MARK1: variants seen among roughly 807,000 people sequenced by gnomAD.
The protein encoded by MARK1 is serine/threonine-protein kinase MARK1.
MARK1 carries 40 observed loss-of-function variants against 96.3 expected under a neutral mutation model. The ratio of observed to expected loss-of-function variants is 0.42; its 90% CI spans 0.32 to 0.54. MARK1 has a LOEUF of 0.54. Among genes scored for constraint, MARK1 ranks in the 20% least tolerant of loss-of-function variants. The probability of loss-of-function intolerance (pLI) is 0.16; values close to 1 mark genes in which losing one functional copy is unlikely to be tolerated. For synonymous variants in MARK1, 317 were observed against 341.2 expected (o/e 0.93, Z 0.78); for missense variants, 719 against 984.6 (o/e 0.73, Z 3.61).
intron 11 of MARK1, 118 bp downstream of exon 11, chr1:220,632,431 T>C (rs1194338005): frequency 8.8e-5 from 42 of 475,440 alleles, no homozygotes; most frequent in Non-Finnish European, 1.5e-5. Context: ...TTCTTATTTA[T>C]TGGAATTCAA....
intron 6 of MARK1, 108 bp downstream of exon 6, chr1:220,604,245 T>A: frequency 1.8e-6 from 1 of 555,530 alleles, no homozygotes; most frequent in Non-Finnish European, 3.1e-6. Flanking sequence ...AAAGAAGAAT[T>A]CCTGCTTTCT....
chr1:220,655,561 C>T (rs1329708996), intron 16 of MARK1, among the ~76,000 whole-genome samples: 4 of 152,164 alleles, frequency 2.6e-5, no homozygotes, highest in African/African-American at 7.2e-5. Context: ...TTCTTTTCCT[C>T]ATACCACCTC....
chr1:220,633,698 T>C (rs555224968), intron 11 of MARK1, among the ~76,000 whole-genome samples: 19 of 152,178 alleles, frequency 1.2e-4, no homozygotes, highest in African/African-American at 4.3e-4. Flanking sequence ...ATGTAAGAAG[T>C]AGAATTAACA....
intron 3 of MARK1, among the ~76,000 whole-genome samples, chr1:220,587,351 CTG>C (rs1305963427): frequency 1.5e-5 from 2 of 130,702 alleles, no homozygotes; most frequent in Non-Finnish European, 3.4e-5. Flanking sequence ...CTCTCTCTCT[CTG>C]TCTCTCTCTC....
intron 13 of MARK1, among the ~76,000 whole-genome samples, chr1:220,639,444 A>G (rs1386570168): frequency 6.6e-6 from 1 of 152,058 alleles, no homozygotes; most frequent in African/African-American, 2.4e-5. Context: ...GATGCATATT[A>G]TTTCATTGGT....
Position 220,618,665 on chromosome 1 carries a change from G to A in MARK1, c.819G>A (p.Lys273=), listed in dbSNP as rs1666887757. 1 of 1,613,454 alleles carries A rather than the reference G, an allele frequency of 6.2e-7. No homozygotes were observed. Among genetic ancestry groups the A allele is most frequent in the Non-Finnish European group, 8.5e-7 (1 of 1,179,504 alleles). The stretch of plus-strand genomic sequence containing the variant: ...TGCGAGAGCGAGTTTTACGAGGGAA[G>A]TACCGTATTCCCTTCTATATGTCCA... ...KELRERVLRG[K]YRIPFYMSTD... is the part of the protein sequence containing the mutation. Residue 273 remains lysine (K), a synonymous_variant, in exon 9 of 18, where the codon AAG becomes AAA. Transcript: ENST00000366917. The surrounding 1 kb of genome is among the most constrained non-coding windows in gnomAD (Gnocchi z 4.6).
At chr1:220,562,409 G>A (rs377182605) in intron 1 of MARK1, among the ~76,000 whole-genome samples, 2 of 152,210 alleles carry the variant, frequency 1.3e-5, no homozygotes, top group South Asian at 4.1e-4. Flanking sequence ...GGTGCAGGTT[G>A]CAGTGAGCCA....
At chr1:220,604,279 C>A in intron 6 of MARK1, 142 bp downstream of exon 6, 1 of 472,164 alleles carries the variant, frequency 2.1e-6, no homozygotes, top group South Asian at 5.3e-5. Flanking sequence ...ATGGAAAACT[C>A]CTAAAAAATA....
intron 1 of MARK1, among the ~76,000 whole-genome samples, chr1:220,537,592 GTA>G: frequency 7.1e-6 from 1 of 140,972 alleles, no homozygotes; most frequent in Admixed American, 7.4e-5. Flanking sequence ...AGTCCTTTGG[GTA>G]TATACCCAGT....
rs371172972 is a variant in MARK1 at position 220,652,031 on chromosome 1, T to A, written c.1617T>A (p.Ser539=). ...SVSSISSAGS[S]VASAVPSARP... Reference sequence around the variant, plus strand: ...GTAGCATATCTTCTGCAGGCTCTTCTGTGGCCTCTGCTGTCCCCTCAGCAC... The same window carrying A: ...GTAGCATATCTTCTGCAGGCTCTTCAGTGGCCTCTGCTGTCCCCTCAGCAC... The change falls in exon 15 of 18, where the codon TCT becomes TCA. Residue 539 remains serine (S), a synonymous_variant. Coordinates refer to ENST00000366917, the MANE Select transcript of MARK1 (RefSeq NM_018650.5). 4.2e-5 allele frequency: 67 copies of A among 1,612,840 alleles called. No homozygotes were observed. Among genetic ancestry groups the A allele is most frequent in the Non-Finnish European group, 5.3e-5 (62 of 1,179,078 alleles).
Position 220,631,128 on chromosome 1 carries a change from A to C in MARK1, c.1003A>C (p.Arg335=). The C allele has an allele frequency of 6.2e-7, 1 of 1,608,146 alleles. No individual in the cohort carries two copies. Among genetic ancestry groups the C allele is most frequent in the Non-Finnish European group, 8.5e-7 (1 of 1,174,884 alleles). The change falls in exon 10 of 18, where the codon AGA becomes CGA. Residue 335 remains arginine, a synonymous_variant. Transcript: ENST00000366917. The stretch of plus-strand genomic sequence containing the variant: ...TGATCCGGATTTCAATGACACAAAA[A>C]GAATAGGTAAGTATTTAAACATGGT... ...EPDPDFNDTK[R]IDIMVTMGFA...
At chr1:220,592,298 G>C (rs1193546342) in intron 3 of MARK1, among the ~76,000 whole-genome samples, 1 of 149,772 alleles carries the variant, frequency 6.7e-6, no homozygotes, top group African/African-American at 2.5e-5. Context: ...ACTTGCTCTA[G>C]AGACTATACT....
At chr1:220,547,093 C>T (rs994253696) in intron 1 of MARK1, among the ~76,000 whole-genome samples, 3 of 152,146 alleles carry the variant, frequency 2.0e-5, no homozygotes, top group African/African-American at 7.2e-5. Flanking sequence ...TCTTATGGCT[C>T]TTACTGGTAC....
intron 3 of MARK1, among the ~76,000 whole-genome samples, chr1:220,591,305 A>G (rs1382333623): frequency 6.6e-6 from 1 of 152,264 alleles, no homozygotes; most frequent in African/African-American, 2.4e-5. Flanking sequence ...GCTGCCAGGA[A>G]ACATCAGTAT....
intron 3 of MARK1, among the ~76,000 whole-genome samples, chr1:220,588,250 A>G (rs1320915980): frequency 6.6e-6 from 1 of 152,182 alleles, no homozygotes; most frequent in Non-Finnish European, 1.5e-5. Context: ...CTTATACCCA[A>G]AGCTGTGCAG....
At chr1:220,639,928 A>G (rs1028702232) in intron 13 of MARK1, among the ~76,000 whole-genome samples, 1 of 152,172 alleles carries the variant, frequency 6.6e-6, no homozygotes, top group Non-Finnish European at 1.5e-5. Context: ...AAAAGTTTCC[A>G]TTTGTTTTCA....
At chr1:220,573,626 G>T (rs1663630932) in intron 1 of MARK1, among the ~76,000 whole-genome samples, 1 of 151,958 alleles carries the variant, frequency 6.6e-6, no homozygotes, top group Non-Finnish European at 1.5e-5. Context: ...CCCGGCCGAG[G>T]CTTTATTTTT....
chr1:220,561,765 A>G (rs1662682695), intron 1 of MARK1, among the ~76,000 whole-genome samples: 1 of 152,254 alleles, frequency 6.6e-6, no homozygotes, highest in African/African-American at 2.4e-5. Flanking sequence ...GTTAATGAAT[A>G]AAAGATCAAC....
At chr1:220,620,551 A>C (rs1053079108) in intron 9 of MARK1, among the ~76,000 whole-genome samples, 1 of 152,200 alleles carries the variant, frequency 6.6e-6, no homozygotes. Context: ...ACAGATCTCT[A>C]TGGACAGTAG....
Sources: gnomAD v4.1 joint callset for allele counts (sites outside exome capture counted in the v4.1 genomes callset) on GRCh38, gnomAD v4.1.1 for gene constraint, Gnocchi (gnomAD v3.1) non-coding constraint, MANE v1.5 for transcripts, NCBI Gene and HGNC (gene_info 2026-07-23, HGNC 2026-07-21) for gene names.